Variants in PSD3 observed in about 807,000 individuals in gnomAD.
PSD3 encodes pleckstrin and Sec7 domain containing 3.
A neutral mutation model predicts 105.5 loss-of-function variants in PSD3; 49 were observed. The observed-to-expected ratio is 0.46, with a 90% CI of 0.37 to 0.59. The LOEUF (loss-of-function observed/expected upper bound fraction) is 0.59, where lower values mean the gene tolerates loss of function less well. PSD3 is among the 20% of genes least tolerant of loss of function. The pLI is 0.00. For synonymous variants in PSD3, 557 were observed against 457.8 expected (o/e 1.22, Z -2.77); for missense variants, 1,561 against 1,263.8 (o/e 1.24, Z -3.57).
At chr8:18,818,047 C>T (rs112339547) in intron 4 of PSD3, among the ~76,000 whole-genome samples, 14 of 152,040 alleles carry the variant, frequency 9.2e-5, no homozygotes, top group Admixed American at 1.3e-4. Flanking sequence ...TCTGCCTCCC[C>T]GGTTCAAGCG....
At chr8:19,083,383 TAAC>T (rs1194130824) in intron 1 of PSD3, among the ~76,000 whole-genome samples, 1 of 152,138 alleles carries the variant, frequency 6.6e-6, no homozygotes, top group Non-Finnish European at 1.5e-5. Context: ...TGTGAGATGC[TAAC>T]AACAAGGGCA....
chr8:18,814,197 G>C (rs1052937537), intron 4 of PSD3, among the ~76,000 whole-genome samples: 2 of 152,312 alleles, frequency 1.3e-5, no homozygotes, highest in Admixed American at 6.5e-5. Flanking sequence ...ACAAAATTCA[G>C]TCTTCACCAA....
chr8:18,667,934 C>T (rs1032021216), intron 9 of PSD3, among the ~76,000 whole-genome samples: 2 of 152,254 alleles, frequency 1.3e-5, no homozygotes, highest in Non-Finnish European at 2.9e-5. Flanking sequence ...AGTTACTAAG[C>T]CCCTCACTGC....
At chr8:18,775,208 C>T (rs530715312) in intron 8 of PSD3, among the ~76,000 whole-genome samples, 1 of 152,212 alleles carries the variant, frequency 6.6e-6, no homozygotes, top group African/African-American at 2.4e-5. Flanking sequence ...TTTCTATGGC[C>T]GAGTAATATT....
chr8:18,575,923 C>A (rs566934585), intron 12 of PSD3, among the ~76,000 whole-genome samples: 12 of 152,266 alleles, frequency 7.9e-5, no homozygotes, highest in Admixed American at 1.3e-4. Flanking sequence ...ATGCTACCAA[C>A]TGTTAGATAT....
Position 18,618,576 on chromosome 8 carries a change from T to C in PSD3, c.2410+14037A>G, listed in dbSNP as rs150339487. 9.9e-3 allele frequency among the ~76,000 whole-genome samples: 1,407 copies of C among 141,502 alleles called. 29 individuals carry two copies. Among genetic ancestry groups the C allele is most frequent in the East Asian group, 0.018 (92 of 5,178 alleles). 92.8% of individuals were successfully genotyped at this position (141,502 alleles called of 152,430 possible). On this transcript the variant is annotated intron_variant, in intron 11 of 15. Transcript: ENST00000327040. ...AACTGTTTCTAAAATGATGTTATTT[T>C]GTAACTAAAATAACAACTGGATTCC...
At chr8:19,059,866 C>T in intron 1 of PSD3, among the ~76,000 whole-genome samples, 1 of 152,216 alleles carries the variant, frequency 6.6e-6, no homozygotes, top group Non-Finnish European at 1.5e-5. Context: ...AGGGCACCTA[C>T]CAGGCTCTGT....
intron 10 of PSD3, among the ~76,000 whole-genome samples, chr8:18,646,998 A>G (rs1035211693): frequency 1.3e-5 from 2 of 152,196 alleles, no homozygotes; most frequent in African/African-American, 4.8e-5. Flanking sequence ...AGGTAATAGT[A>G]ATCCCATTGC....
At chr8:18,825,005 A>T (rs756523841) in intron 4 of PSD3, among the ~76,000 whole-genome samples, 1 of 152,152 alleles carries the variant, frequency 6.6e-6, no homozygotes, top group African/African-American at 2.4e-5. Flanking sequence ...ACACACATAC[A>T]ATGTTTTAAC....
rs1799576052 is a variant in PSD3 at position 18,530,193 on chromosome 8, T to G, written c.*5550A>C. On this transcript the variant is annotated 3_prime_UTR_variant, in exon 16 of 16. Transcript: ENST00000327040. ...CCAAACATGCTGGTTAATAAAATTT[T>G]AGTCTCTAGTTACCTATTTACACTC... 6.5e-6 allele frequency: 1 copy of G among 152,680 alleles called. No homozygotes were observed. The highest frequency in any genetic ancestry group is 2.1e-4 in the South Asian group (1 of 4,832). The allele number at this position is 152,680 out of a possible 1,614,324, so 9.5% of individuals were successfully genotyped here. A position where few individuals can be genotyped will look rare whatever the true frequency, so the allele number is the denominator to read the frequency against.
intron 1 of PSD3, among the ~76,000 whole-genome samples, chr8:19,077,257 T>C (rs1829488010): frequency 6.6e-6 from 1 of 152,234 alleles, no homozygotes; most frequent in Non-Finnish European, 1.5e-5. Flanking sequence ...TGATATAACA[T>C]TGTAAGTGCT....
At chr8:18,766,050 G>A (rs969933141) in intron 8 of PSD3, among the ~76,000 whole-genome samples, 1 of 151,946 alleles carries the variant, frequency 6.6e-6, no homozygotes, top group Non-Finnish European at 1.5e-5. Flanking sequence ...TACAGGGCTG[G>A]GCACAGTGGC....
chr8:18,825,633 G>A (rs1206589815), intron 4 of PSD3, among the ~76,000 whole-genome samples: 1 of 152,222 alleles, frequency 6.6e-6, no homozygotes, highest in African/African-American at 2.4e-5. Context: ...GCTCAAAGGA[G>A]AGGATGATTT....
At chr8:18,847,018 C>T (rs1254799282) in intron 4 of PSD3, among the ~76,000 whole-genome samples, 1 of 152,140 alleles carries the variant, frequency 6.6e-6, no homozygotes, top group Admixed American at 6.5e-5. Context: ...TCAATTTGTG[C>T]CTACAATACC....
intron 10 of PSD3, among the ~76,000 whole-genome samples, chr8:18,641,720 T>C (rs1052965426): frequency 3.3e-5 from 5 of 152,108 alleles, no homozygotes; most frequent in Non-Finnish European, 7.4e-5. Context: ...AAGGTGGTGG[T>C]TGAATGCAGG....
intron 4 of PSD3, among the ~76,000 whole-genome samples, chr8:18,827,099 C>G (rs1813254799): frequency 6.6e-6 from 1 of 152,170 alleles, no homozygotes. Context: ...AAGCATGCAT[C>G]CACACCTCCT....
intron 9 of PSD3, among the ~76,000 whole-genome samples, chr8:18,678,487 T>C (rs905541725): frequency 1.3e-5 from 2 of 152,246 alleles, no homozygotes; most frequent in East Asian, 3.8e-4. Flanking sequence ...TCAAAACTGT[T>C]CTCTTCGCCT....
intron 1 of PSD3, among the ~76,000 whole-genome samples, chr8:19,026,508 T>C (rs754351945): frequency 6.6e-6 from 1 of 152,022 alleles, no homozygotes; most frequent in Non-Finnish European, 1.5e-5. Flanking sequence ...TTTATTTATA[T>C]ATTTACTTTT....
intron 10 of PSD3, among the ~76,000 whole-genome samples, chr8:18,646,604 T>A (rs1387063857): frequency 6.6e-6 from 1 of 151,600 alleles, no homozygotes; most frequent in Non-Finnish European, 1.5e-5. Flanking sequence ...ACAAAAAAAA[T>A]GAAAAACTTA....
Sources: allele counts gnomAD v4.1 joint callset (sites outside exome capture counted in the v4.1 genomes callset), GRCh38; gene constraint gnomAD v4.1.1; transcripts MANE v1.5; gene names NCBI Gene and HGNC (gene_info 2026-07-23, HGNC 2026-07-21).